The following DCBLD1 variants were observed in gnomAD, a reference collection of about 807,000 sequenced individuals.
DCBLD1 encodes discoidin, CUB and LCCL domain containing 1, also known as discoidin, CUB and LCCL domain-containing protein 1.
In DCBLD1, 57 loss-of-function variants were observed where a neutral mutation model predicts 71.5. The observed-to-expected ratio is 0.80, with a 90% CI of 0.64 to 0.99. The LOEUF (loss-of-function observed/expected upper bound fraction) is 0.99. DCBLD1 is among the 50% of genes least tolerant of loss of function. The pLI is 0.00. For missense variants in DCBLD1, 891 were observed against 923.5 expected (o/e 0.96, Z 0.46); for synonymous variants, 380 against 363.8 (o/e 1.04, Z -0.51).
chr6:117,544,466 T>C (rs772407626), intron 12 of DCBLD1, 62 bp from the exon 13 acceptor site: 48 of 1,545,590 alleles, frequency 3.1e-5, no homozygotes, highest in Admixed American at 2.1e-4. Context: ...TTATGTTATA[T>C]AGGGAGAGAG....
At chr6:117,557,966 C>A (rs1243556217) in intron 14 of DCBLD1, among the ~76,000 whole-genome samples, 1 of 152,080 alleles carries the variant, frequency 6.6e-6, no homozygotes, top group Non-Finnish European at 1.5e-5. Flanking sequence ...GCAGGTATTG[C>A]CTTAGGGATG....
intron 1 of DCBLD1, among the ~76,000 whole-genome samples, chr6:117,492,122 G>C (rs1490005866): frequency 6.6e-6 from 1 of 152,092 alleles, no homozygotes; most frequent in Non-Finnish European, 1.5e-5. Flanking sequence ...AGTAATCTTT[G>C]GAATGTTAGT....
Position 117,539,345 on chromosome 6 carries a change from A to G in DCBLD1, c.1067A>G (p.Lys356Arg), listed in dbSNP as rs74499389. 6.9e-3 allele frequency: 11,056 copies of G among 1,604,824 alleles called. 726 individuals are homozygous for G. In the Admixed American group the frequency reaches 0.13, roughly 19 times the overall value. The change falls in exon 9 of 15, where the codon AAG becomes AGG. Residue 356 changes from lysine to arginine, a missense_variant. Transcript: ENST00000338728. ...MNFKNNNSKW[K>R]TYKGIVNNEE... The stretch of plus-strand genomic sequence containing the variant: ...TTCAAAAACAATAATTCTAAGTGGA[A>G]GACCTATAAAGGAATTGTGAATAAT...
At chr6:117,541,994 C>G (rs1408747674) in intron 11 of DCBLD1, among the ~76,000 whole-genome samples, 1 of 152,132 alleles carries the variant, frequency 6.6e-6, no homozygotes, top group African/African-American at 2.4e-5. Context: ...AATTTTCACT[C>G]TTAAAAATAA....
chr6:117,549,530 G>A lies in DCBLD1; in HGVS notation c.*1091G>A, dbSNP rs1301787906. ...AGTTTCTTTTGTGAGTTAACTATGGGAGATTTAACCTCTTTTGCCAAAGAG... is the reference window on the plus strand; with the variant it reads ...AGTTTCTTTTGTGAGTTAACTATGGAAGATTTAACCTCTTTTGCCAAAGAG... On this transcript the variant is annotated 3_prime_UTR_variant, in exon 15 of 15. Coordinates refer to ENST00000338728, the MANE Select transcript of DCBLD1 (RefSeq NM_001366458.2). The A allele has an allele frequency of 1.0e-6, 1 of 985,190 alleles. No individual in the cohort carries two copies. Among genetic ancestry groups the A allele is most frequent in the African/African-American group, 1.7e-5 (1 of 57,156 alleles). The allele number at this position is 985,190 out of a possible 1,614,324, so 61.0% of individuals were successfully genotyped here. A position where few individuals can be genotyped will look rare whatever the true frequency, so the allele number is the denominator to read the frequency against.
At chr6:117,538,591 TA>T in intron 7 of DCBLD1, 28 bp from the exon 8 acceptor site, 1 of 1,606,808 alleles carries the variant, frequency 6.2e-7, no homozygotes, top group Non-Finnish European at 8.5e-7. Context: ...TGTCTGTATC[TA>T]AAATATCTTA....
Position 117,524,756 on chromosome 6 carries a change from C to A in DCBLD1, c.513-606C>A, listed in dbSNP as rs369714090. The stretch of plus-strand genomic sequence containing the variant: ...ACATTTAGAAATGATAAAATTTGAA[C>A]ATGCTGGATTAAATAGAATATATTA... On this transcript the variant is annotated intron_variant, in intron 4 of 14. Transcript: ENST00000338728. 3.2e-4 allele frequency among the ~76,000 whole-genome samples: 49 copies of A among 152,202 alleles called. 2 individuals are homozygous for A. Among genetic ancestry groups the A allele is most frequent in the African/African-American group, 1.2e-3 (48 of 41,534 alleles).
chr6:117,553,967 G>T (rs1435469632), downstream of DCBLD1, among the ~76,000 whole-genome samples: 1 of 152,084 alleles, frequency 6.6e-6, no homozygotes, highest in Non-Finnish European at 1.5e-5. Context: ...GATAATAATG[G>T]TATATACCTT....
intron 14 of DCBLD1, among the ~76,000 whole-genome samples, chr6:117,546,888 T>G (rs389663): frequency 6.6e-6 from 1 of 151,958 alleles, no homozygotes; most frequent in African/African-American, 2.4e-5. Flanking sequence ...ATCGAATCCA[T>G]TGTTCCTAAC....
At chr6:117,542,957 T>G (rs1261204212) in intron 11 of DCBLD1, among the ~76,000 whole-genome samples, 167 bp from the exon 12 acceptor site, 3 of 152,242 alleles carry the variant, frequency 2.0e-5, no homozygotes, top group Admixed American at 2.0e-4. Flanking sequence ...GCCAGGATTT[T>G]GAATCCTTTC....
In DCBLD1 at chr6:117,519,825, G is replaced by GT. The variant is rs768874505; in HGVS notation, c.336dup (p.Gly113TrpfsTer15). On this transcript the variant is annotated frameshift_variant, in exon 3 of 15. Transcript: ENST00000338728. LOFTEE classifies it high-confidence loss of function. ...TGTGCTTTGTTTTTAGGTCCATACTGTGGAAGTATGACTGTTCCCAAAGAA... is the reference window on the plus strand; with the variant it reads ...TGTGCTTTGTTTTTAGGTCCATACTGTTGGAAGTATGACTGTTCCCAAAGAA... The GT allele has an allele frequency of 6.2e-7, 1 of 1,613,136 alleles. No homozygotes were observed. Among genetic ancestry groups the GT allele is most frequent in the Non-Finnish European group, 8.5e-7 (1 of 1,179,186 alleles).
At chr6:117,562,002 C>G (rs1212274824) in intron 14 of DCBLD1, 1 of 206,378 alleles carries the variant, frequency 4.8e-6, no homozygotes, top group African/African-American at 2.3e-5. Context: ...ACTTAATATT[C>G]CTTTAACTGT....
intron 5 of DCBLD1, among the ~76,000 whole-genome samples, chr6:117,525,988 TTAAAAA>T (rs1330935365): frequency 2.0e-5 from 3 of 152,234 alleles, no homozygotes; most frequent in Non-Finnish European, 4.4e-5. Context: ...ATCTGATTTT[TTAAAAA>T]TTTACATTGC....
rs1384525440 is a variant in DCBLD1 at position 117,548,964 on chromosome 6, A to G, written c.*525A>G. The G allele has an allele frequency of 1.3e-5, 13 of 987,148 alleles. No individual in the cohort carries two copies. The highest frequency in any genetic ancestry group is 1.2e-5 in the Non-Finnish European group (10 of 831,116). 61.1% of individuals were successfully genotyped at this position (987,148 alleles called of 1,614,324 possible). A position where few individuals can be genotyped will look rare whatever the true frequency, so the allele number is the denominator to read the frequency against. The stretch of plus-strand genomic sequence containing the variant: ...AGTCATTTCCTCTCCTTTGATAACT[A>G]GAACTGAAAGCATTTTTAACATTCT... On this transcript the variant is annotated 3_prime_UTR_variant, in exon 15 of 15. Coordinates refer to ENST00000338728, the MANE Select transcript of DCBLD1 (RefSeq NM_001366458.2).
At chr6:117,559,969 T>C (rs1430377689) in intron 14 of DCBLD1, among the ~76,000 whole-genome samples, 1 of 152,236 alleles carries the variant, frequency 6.6e-6, no homozygotes, top group African/African-American at 2.4e-5. Context: ...CTAATGTTCA[T>C]AACATTTCTA....
At chr6:117,530,916 A>G (rs1778697425) in intron 5 of DCBLD1, among the ~76,000 whole-genome samples, 1 of 152,092 alleles carries the variant, frequency 6.6e-6, no homozygotes, top group African/African-American at 2.4e-5. Flanking sequence ...TTTTCCTCCA[A>G]GATTAGGGAG....
At chr6:117,543,260 T>C (rs759894890) in intron 12 of DCBLD1, 49 bp downstream of exon 12, 1 of 1,545,798 alleles carries the variant, frequency 6.5e-7, no homozygotes. Context: ...ATGCGAACAA[T>C]AAAAAACCAA....
At chr6:117,492,094 GTCTC>G (rs1777313233) in intron 1 of DCBLD1, among the ~76,000 whole-genome samples, 3 of 152,126 alleles carry the variant, frequency 2.0e-5, no homozygotes, top group Non-Finnish European at 4.4e-5. Flanking sequence ...TAAAACTGCC[GTCTC>G]TCTATGAGTT....
chr6:117,530,604 G>A (rs1008457864), intron 5 of DCBLD1, among the ~76,000 whole-genome samples: 1 of 152,178 alleles, frequency 6.6e-6, no homozygotes. Context: ...GCTTGTCATT[G>A]TCCAGAGGAA....
Sources: allele counts gnomAD v4.1 joint callset (sites outside exome capture counted in the v4.1 genomes callset), GRCh38; gene constraint gnomAD v4.1.1; transcripts MANE v1.5; gene names NCBI Gene and HGNC (gene_info 2026-07-23, HGNC 2026-07-21).